COG6: variants seen among roughly 807,000 people sequenced by gnomAD.
The protein encoded by COG6 is conserved oligomeric Golgi complex subunit 6.
In COG6, 74 loss-of-function variants were observed where a neutral mutation model predicts 88.8. The ratio of observed to expected loss-of-function variants is 0.83; its 90% CI spans 0.69 to 1.01. The LOEUF (loss-of-function observed/expected upper bound fraction) is 1.01, where lower values mean the gene tolerates loss of function less well. Ranked by LOEUF, COG6 falls within the 50% of genes least tolerant of loss-of-function variation. The probability of loss-of-function intolerance (pLI) is 0.00; values close to 1 mark genes in which losing one functional copy is unlikely to be tolerated. For missense variants in COG6, 800 were observed against 797.9 expected, an observed-to-expected ratio of 1.00 and a Z score of -0.03; for synonymous variants, 286 against 278.7, an observed-to-expected ratio of 1.03 and a Z score of -0.26.
chr13:39,740,841 T>A, intron 18 of COG6, among the ~76,000 whole-genome samples: 1 of 152,216 alleles, frequency 6.6e-6, no homozygotes, highest in East Asian at 1.9e-4. Flanking sequence ...TATTATCGTC[T>A]TTTCTTCTTG....
chr13:39,718,252 T>A (rs1482254857), intron 13 of COG6, among the ~76,000 whole-genome samples: 1 of 152,132 alleles, frequency 6.6e-6, no homozygotes, highest in Non-Finnish European at 1.5e-5. Context: ...TTCCTGGTGA[T>A]GTCACTTATG....
rs1276064676 is a variant in COG6, at chr13:39,697,602, C to G, written c.1167-1899C>G. On this transcript the variant is annotated intron_variant, in intron 12 of 18. Transcript: ENST00000455146. ...TTTGGATCCAAGCTATTTAAGAGAACTCAACATTGCATTGTCTCACCATGT... is the reference window on the plus strand; with the variant it reads ...TTTGGATCCAAGCTATTTAAGAGAAGTCAACATTGCATTGTCTCACCATGT... Among the ~76,000 whole-genome samples, 3 of 151,948 alleles carry G rather than the reference C, an allele frequency of 2.0e-5. No homozygotes were observed. In the East Asian group the frequency reaches 5.8e-4, roughly 29 times the overall value.
Position 39,687,823 on chromosome 13 carries a change from A to C in COG6, c.1009+24A>C, listed in dbSNP as rs749411750. 4.1e-6 allele frequency: 6 copies of C among 1,463,546 alleles called. No individual in the cohort carries two copies. In the South Asian group the frequency reaches 6.8e-5, roughly 17 times the overall value. The allele number at this position is 1,463,546 out of a possible 1,614,324, so 90.7% of individuals were successfully genotyped here. On this transcript the variant is annotated intron_variant, in intron 10 of 18. Transcript: ENST00000455146. ...AGGTGGGTCCACCAATTGTATTGCTAATGCCTAAATATAGAAAATAACACA... is the reference window on the plus strand; with the variant it reads ...AGGTGGGTCCACCAATTGTATTGCTCATGCCTAAATATAGAAAATAACACA...
intron 18 of COG6, among the ~76,000 whole-genome samples, chr13:39,779,177 T>G (rs1163151396): frequency 6.6e-6 from 1 of 152,208 alleles, no homozygotes; most frequent in East Asian, 1.9e-4. Context: ...ATCTGCTTTA[T>G]AGAGTTGTAA....
In COG6 at chr13:39,679,307, AAC is replaced by A. The variant is rs1396852776; in HGVS notation, c.541-228_541-227del. On this transcript the variant is annotated intron_variant, in intron 5 of 18. Transcript: ENST00000455146. Reference sequence around the variant, plus strand: ...AAATTTTATTTTCCTGGCAACTGTCAACACTATTTGGCACATAGTAGAAACTG... The same window carrying A: ...AAATTTTATTTTCCTGGCAACTGTCAACTATTTGGCACATAGTAGAAACTG... The A allele has an allele frequency of 2.0e-5, 10 of 508,192 alleles. No individual in the cohort carries two copies. In the Admixed American group the frequency reaches 3.1e-4, roughly 16 times the overall value. The allele number at this position is 508,192 out of a possible 1,614,324, so 31.5% of individuals were successfully genotyped here.
intron 15 of COG6, among the ~76,000 whole-genome samples, chr13:39,722,281 C>G (rs1213854151): frequency 6.6e-6 from 1 of 150,782 alleles, no homozygotes; most frequent in Non-Finnish European, 1.5e-5. Flanking sequence ...CAAGTAAGGG[C>G]TCTAATTGTA....
At chr13:39,683,079 A>C (rs1357588418) in intron 8 of COG6, among the ~76,000 whole-genome samples, 1 of 152,124 alleles carries the variant, frequency 6.6e-6, no homozygotes, top group African/African-American at 2.4e-5. Context: ...CAGAACACAA[A>C]TGCTGAACAG....
At chr13:39,689,542 G>C (rs535327771) in intron 10 of COG6, among the ~76,000 whole-genome samples, 2 of 151,968 alleles carry the variant, frequency 1.3e-5, no homozygotes, top group Admixed American at 1.3e-4. Flanking sequence ...AATTAACAAG[G>C]CTTTCTAGAC....
chr13:39,655,836 G>T lies in COG6; in HGVS notation c.110G>T (p.Arg37Leu), dbSNP rs754939680. The T allele has an allele frequency of 1.2e-6, 2 of 1,604,370 alleles. No individual in the cohort carries two copies. Among genetic ancestry groups the T allele is most frequent in the South Asian group, 1.1e-5 (1 of 89,766 alleles). The change falls in exon 1 of 19, where the codon CGC becomes CTC. Residue 37 changes from arginine (R) to leucine (L), a missense_variant. Arg to Leu is a moderately radical substitution (Grantham distance 102). Coordinates refer to ENST00000455146, the MANE Select transcript of COG6 (RefSeq NM_020751.3). ...GCGACGACCTGCAACCCGCTGTCGC[G>T]CAAGCTGCATAAGATCCTGGAGACG... Reference protein sequence around the residue: ...TSATTCNPLSRKLHKILETRL... With the variant: ...TSATTCNPLSLKLHKILETRL...
chr13:39,679,679 A>G, intron 6 of COG6, 59 bp downstream of exon 6: 1 of 996,612 alleles, frequency 1.0e-6, no homozygotes, highest in Non-Finnish European at 1.6e-6. Flanking sequence ...AATTTTAAAG[A>G]TATTCTAGAT....
At chr13:39,783,859 G>A (rs986139361) in intron 18 of COG6, among the ~76,000 whole-genome samples, 2 of 152,102 alleles carry the variant, frequency 1.3e-5, no homozygotes, top group African/African-American at 4.8e-5. Flanking sequence ...TGAGTTTACC[G>A]AGGGCATTTT....
intron 1 of COG6, chr13:39,656,862 T>A (rs541808596): frequency 2.2e-6 from 1 of 455,934 alleles, no homozygotes; most frequent in Non-Finnish European, 4.4e-6. Flanking sequence ...CTCATGGTTG[T>A]TATTTGAGGA....
exon 19 of COG6, chr13:39,788,818 C>T (rs564817255): frequency 6.5e-6 from 1 of 154,832 alleles, no homozygotes; most frequent in Non-Finnish European, 1.4e-5. Context: ...TTTTTCTCCA[C>T]CACTCTTTTC....
intron 5 of COG6, 165 bp from the exon 6 acceptor site, chr13:39,679,373 C>A: frequency 1.6e-6 from 1 of 625,614 alleles, no homozygotes; most frequent in Non-Finnish European, 2.9e-6. Flanking sequence ...TGAATAAATA[C>A]CAGTTACACC....
chr13:39,684,383 G>A (rs868422256), intron 8 of COG6, among the ~76,000 whole-genome samples: 24 of 148,116 alleles, frequency 1.6e-4, no homozygotes, highest in African/African-American at 5.0e-4. Flanking sequence ...CCGAGTAGCT[G>A]GGACTACAGG....
chr13:39,779,594 G>T (rs1032913845), intron 18 of COG6, among the ~76,000 whole-genome samples: 3 of 152,178 alleles, frequency 2.0e-5, no homozygotes, highest in Non-Finnish European at 4.4e-5. Flanking sequence ...AGACCAAATG[G>T]CACCCAGGGT....
At chr13:39,766,126 C>T (rs904357784) in intron 18 of COG6, among the ~76,000 whole-genome samples, 2 of 152,190 alleles carry the variant, frequency 1.3e-5, no homozygotes, top group African/African-American at 2.4e-5. Context: ...CCACCCTTCT[C>T]GCCCATCTGC....
Position 39,751,399 on chromosome 13 carries a change from A to AT in COG6, c.*315dup, listed in dbSNP as rs142947196. On this transcript the variant is annotated 3_prime_UTR_variant, in exon 19 of 19. Coordinates refer to ENST00000455146, the MANE Select transcript of COG6 (RefSeq NM_020751.3). ...TAAAGTAGTATGAAAGGTTTGAAGA[A>AT]TTTTTTTTTACAAGACTAGTTCTAA... is the stretch of plus-strand genomic sequence containing the variant. The AT allele has an allele frequency of 2.3e-4, 301 of 1,328,044 alleles. No individual in the cohort carries two copies. The highest frequency in any genetic ancestry group is 2.2e-3 in the African/African-American group (145 of 67,272). 82.3% of individuals were successfully genotyped at this position (1,328,044 alleles called of 1,614,324 possible).
chr13:39,684,246 T>TTTTTTTTTG, intron 8 of COG6, among the ~76,000 whole-genome samples: 1 of 64,100 alleles, frequency 1.6e-5, no homozygotes. Flanking sequence ...TTGGAAGATT[T>TTTTTTTTTG]TTTTTTTTTT....
Sources: gnomAD v4.1 joint callset for allele counts (sites outside exome capture counted in the v4.1 genomes callset) on GRCh38, gnomAD v4.1.1 for gene constraint, MANE v1.5 for transcripts, NCBI Gene and HGNC (gene_info 2026-07-23, HGNC 2026-07-21) for gene names.